Variants in SHROOM3 observed in about 807,000 individuals in gnomAD.
The protein encoded by SHROOM3 is protein Shroom3.
Under a neutral mutation model 138.6 loss-of-function variants are expected in SHROOM3, and 47 were observed. The observed-to-expected ratio is 0.34, with a 90% confidence interval of 0.27 to 0.43. SHROOM3 has a LOEUF of 0.43. SHROOM3 is among the 20% of genes least tolerant of loss of function. The pLI is 1.00. For synonymous variants in SHROOM3, 1,062 were observed against 1,063.3 expected, an observed-to-expected ratio of 1.00 and a Z score of 0.02; for missense variants, 2,491 against 2,596.5, an observed-to-expected ratio of 0.96 and a Z score of 0.88.
chr4:76,500,612 C>G (rs923429017), intron 1 of SHROOM3, among the ~76,000 whole-genome samples: 1 of 152,046 alleles, frequency 6.6e-6, no homozygotes. Flanking sequence ...CTTTTGCCAA[C>G]TCTTGGTATT....
At chr4:76,502,453 G>C (rs1732117931) in intron 1 of SHROOM3, among the ~76,000 whole-genome samples, 1 of 152,170 alleles carries the variant, frequency 6.6e-6, no homozygotes, top group African/African-American at 2.4e-5. Flanking sequence ...GGGCAGTCTT[G>C]TGGGACTGAA....
intron 1 of SHROOM3, among the ~76,000 whole-genome samples, chr4:76,437,485 T>C (rs555954894): frequency 6.6e-6 from 1 of 152,346 alleles, no homozygotes; most frequent in East Asian, 1.9e-4. Context: ...TTTGTCTTCA[T>C]GGTTGCATGA....
intron 1 of SHROOM3, among the ~76,000 whole-genome samples, chr4:76,462,689 CCT>C (rs1444016718): frequency 6.7e-6 from 1 of 148,784 alleles, no homozygotes; most frequent in Admixed American, 6.7e-5. Context: ...TCTCCCTCTC[CCT>C]CTCTCTCTCC....
At chr4:76,665,712 G>A (rs1718673471) in intron 2 of SHROOM3, among the ~76,000 whole-genome samples, 1 of 152,158 alleles carries the variant, frequency 6.6e-6, no homozygotes, top group Admixed American at 6.5e-5. Context: ...TATTTTCCAT[G>A]AGCTACCTGT....
chr4:76,507,082 T>G (rs1045575730), intron 1 of SHROOM3, among the ~76,000 whole-genome samples: 15 of 152,148 alleles, frequency 9.9e-5, no homozygotes, highest in Non-Finnish European at 2.2e-4. Context: ...AAAAAATTTA[T>G]AATGAAAAAG....
chr4:76,734,444 G>A (rs557031601), intron 4 of SHROOM3, among the ~76,000 whole-genome samples: 5 of 151,826 alleles, frequency 3.3e-5, no homozygotes, highest in South Asian at 4.2e-4. Context: ...TTAGTGTTCT[G>A]TGAGCACACT....
chr4:76,720,603 T>A (rs1560601387), intron 3 of SHROOM3, among the ~76,000 whole-genome samples: 1 of 151,768 alleles, frequency 6.6e-6, no homozygotes, highest in Non-Finnish European at 1.5e-5. Flanking sequence ...AATCTCTCCC[T>A]GAATTCTTTC....
chr4:76,650,934 G>T (rs113829189), intron 2 of SHROOM3, among the ~76,000 whole-genome samples: 3,032 of 152,294 alleles, frequency 0.02, 106 homozygotes, highest in African/African-American at 0.067. Context: ...TATACACAAT[G>T]GAGTACTATT....
intron 1 of SHROOM3, among the ~76,000 whole-genome samples, chr4:76,460,827 C>CAGAAAAAAAAAAAAA (rs1731125511): frequency 2.5e-5 from 2 of 78,770 alleles, no homozygotes; most frequent in Non-Finnish European, 4.9e-5. Flanking sequence ...CCCGTATCTA[C>CAGAAAAAAAAAAAAA]AAAAAAAAAA....
intron 2 of SHROOM3, among the ~76,000 whole-genome samples, chr4:76,696,198 T>G (rs1719718761): frequency 6.6e-6 from 1 of 152,224 alleles, no homozygotes; most frequent in Non-Finnish European, 1.5e-5. Flanking sequence ...AAAGCTCCAC[T>G]TCAGTCTTTT....
intron 3 of SHROOM3, among the ~76,000 whole-genome samples, chr4:76,723,002 CAG>C (rs1281776496): frequency 6.6e-6 from 1 of 151,710 alleles, no homozygotes; most frequent in Non-Finnish European, 1.5e-5. Flanking sequence ...TGATAACTGG[CAG>C]AGTTTTATAA....
intron 1 of SHROOM3, among the ~76,000 whole-genome samples, chr4:76,479,033 T>A (rs1406619405): frequency 6.6e-6 from 1 of 151,792 alleles, no homozygotes; most frequent in Admixed American, 6.6e-5. Context: ...AAAAAACAGC[T>A]CGAAAAGGCT....
At chr4:76,477,871 G>C (rs1214085857) in intron 1 of SHROOM3, among the ~76,000 whole-genome samples, 1 of 152,134 alleles carries the variant, frequency 6.6e-6, no homozygotes. Context: ...GAAGTGCAAG[G>C]GGTTGGGGAA....
intron 1 of SHROOM3, among the ~76,000 whole-genome samples, chr4:76,475,676 A>G (rs745993313): frequency 6.3e-4 from 96 of 152,208 alleles, no homozygotes; most frequent in Non-Finnish European, 1.1e-3. Flanking sequence ...GACATTTAAG[A>G]GTCTATGGCA....
intron 1 of SHROOM3, among the ~76,000 whole-genome samples, chr4:76,523,571 A>G (rs944719817): frequency 2.0e-5 from 3 of 152,176 alleles, no homozygotes. Context: ...TAAAATTAAA[A>G]TTTGGGGAAA....
intron 1 of SHROOM3, among the ~76,000 whole-genome samples, chr4:76,537,593 G>C (rs556593335): frequency 6.6e-6 from 1 of 152,360 alleles, no homozygotes; most frequent in South Asian, 2.1e-4. Context: ...GTCAGTAGCA[G>C]TGTAGGTCAT....
chr4:76,645,638 T>G (rs1386774000), intron 2 of SHROOM3: 1 of 152,262 alleles, frequency 6.6e-6, no homozygotes, highest in African/African-American at 2.4e-5. Context: ...TAAACTAGAC[T>G]GCTTTAATAT....
intron 2 of SHROOM3, among the ~76,000 whole-genome samples, chr4:76,598,809 C>T (rs1734443651): frequency 6.6e-6 from 1 of 152,126 alleles, no homozygotes; most frequent in Non-Finnish European, 1.5e-5. Context: ...GGTGATGGGA[C>T]ATTAATAAAT....
At chr4:76,688,199 A>C (rs577778870) in intron 2 of SHROOM3, among the ~76,000 whole-genome samples, 1 of 152,348 alleles carries the variant, frequency 6.6e-6, no homozygotes, top group South Asian at 2.1e-4. Context: ...GTATGTGTTG[A>C]TACCTGCTTG....
Sources: allele counts gnomAD v4.1 joint callset (sites outside exome capture counted in the v4.1 genomes callset), GRCh38; gene constraint gnomAD v4.1.1; transcripts MANE v1.5; gene names NCBI Gene and HGNC (gene_info 2026-07-23, HGNC 2026-07-21).